FZD1: variants seen among roughly 807,000 people sequenced by gnomAD.
FZD1 encodes frizzled class receptor 1.
In FZD1, 22 loss-of-function variants were observed where a neutral mutation model predicts 48.0. The ratio of observed to expected loss-of-function variants is 0.46; its 90% confidence interval spans 0.33 to 0.65. The LOEUF (loss-of-function observed/expected upper bound fraction) is 0.65. Among genes scored for constraint, FZD1 ranks in the 30% least tolerant of loss-of-function variants. The probability of loss-of-function intolerance (pLI) is 0.02; values close to 1 mark genes in which losing one functional copy is unlikely to be tolerated. For synonymous variants in FZD1, 486 were observed against 409.6 expected, an observed-to-expected ratio of 1.19 and a Z score of -2.25; for missense variants, 843 against 898.1, an observed-to-expected ratio of 0.94 and a Z score of 0.78.
In FZD1 at chr7:91,270,264, T is replaced by C. The variant is rs1371801660; in HGVS notation, c.*3440T>C. The stretch of plus-strand genomic sequence containing the variant: ...GCTTTTGGAGTAAATATATAAGTAG[T>C]ATGAAAGACTTCTGAAGCTCTTCTT... On this transcript the variant is annotated 3_prime_UTR_variant, in exon 1 of 1. Coordinates refer to ENST00000287934, the MANE Select transcript of FZD1 (RefSeq NM_003505.2). The C allele has an allele frequency of 6.0e-6, 1 of 167,064 alleles. No individual in the cohort carries two copies. The highest frequency in any genetic ancestry group is 6.5e-5 in the Admixed American group (1 of 15,284). 10.3% of individuals were successfully genotyped at this position (167,064 alleles called of 1,614,324 possible).
rs1348236263 is a variant in FZD1, at chr7:91,270,215, C to T, written c.*3391C>T. 2 of 166,888 alleles carry T rather than the reference C, an allele frequency of 1.2e-5. No homozygotes were observed. Among genetic ancestry groups the T allele is most frequent in the African/African-American group, 4.8e-5 (2 of 41,372 alleles). The allele number at this position is 166,888 out of a possible 1,614,324, so 10.3% of individuals were successfully genotyped here. On this transcript the variant is annotated 3_prime_UTR_variant, in exon 1 of 1. Coordinates refer to ENST00000287934, the MANE Select transcript of FZD1 (RefSeq NM_003505.2). Reference sequence around the variant, plus strand: ...CCAGCTATAAATTGGGGTCAATTTCCCCCCTCACAGTGTACTTAATTTAGC... The same window carrying T: ...CCAGCTATAAATTGGGGTCAATTTCTCCCCTCACAGTGTACTTAATTTAGC...
Position 91,269,246 on chromosome 7 carries a change from C to T in FZD1, c.*2422C>T, listed in dbSNP as rs1189587198. On this transcript the variant is annotated 3_prime_UTR_variant, in exon 1 of 1. Coordinates refer to ENST00000287934, the MANE Select transcript of FZD1 (RefSeq NM_003505.2). ...CTGTTTTGTTGTTTGCTTCTGAAGA[C>T]CCCTTTTTTTAATCGTTCAAGGAAC... The T allele has an allele frequency of 1.2e-5, 2 of 166,622 alleles. No homozygotes were observed. Among genetic ancestry groups the T allele is most frequent in the Non-Finnish European group, 2.9e-5 (2 of 68,026 alleles). 10.3% of individuals were successfully genotyped at this position (166,622 alleles called of 1,614,324 possible).
At position 91,264,843 on chromosome 7, in the gene FZD1, C is replaced by G; in HGVS notation, c.-38C>G. On this transcript the variant is annotated 5_prime_UTR_variant, in exon 1 of 1. Transcript: ENST00000287934. ...CCGCCGCCGGCCGTGCCCCTGGCAG[C>G]CCCAGCGGAGCGGCGCCAAGAGAGG... 1 of 1,264,636 alleles carries G rather than the reference C, an allele frequency of 7.9e-7. No individual in the cohort carries two copies. The highest frequency in any genetic ancestry group is 9.9e-7 in the Non-Finnish European group (1 of 1,005,366). The allele number at this position is 1,264,636 out of a possible 1,614,324, so 78.3% of individuals were successfully genotyped here.
Position 91,265,937 on chromosome 7 carries a change from C to T in FZD1, c.1057C>T (p.Arg353Trp). 1.2e-6 allele frequency: 2 copies of T among 1,614,164 alleles called. No individual in the cohort carries two copies. The highest frequency in any genetic ancestry group is 8.5e-7 in the Non-Finnish European group (1 of 1,180,016). ...CATGCGGCGCTTCAGCTACCCGGAG[C>T]GGCCCATCATCTTCTTGTCCGGCTG... is the stretch of plus-strand genomic sequence containing the variant. The part of the protein sequence containing the change: ...VDMRRFSYPE[R>W]PIIFLSGCYT... The change falls in exon 1 of 1, where the codon CGG becomes TGG. Residue 353 changes from arginine (R) to tryptophan (W), a missense_variant. Arg to Trp is a moderately radical substitution (Grantham distance 101). Coordinates refer to ENST00000287934, the MANE Select transcript of FZD1 (RefSeq NM_003505.2). The surrounding 1 kb of genome is among the most constrained non-coding windows in gnomAD (Gnocchi z 6.9).
chr7:91,266,919 G>A lies in FZD1; in HGVS notation c.*95G>A, dbSNP rs1489743023. 22 of 806,078 alleles carry A rather than the reference G, an allele frequency of 2.7e-5. No homozygotes were observed. In the East Asian group the frequency reaches 5.4e-4, roughly 20 times the overall value. The allele number at this position is 806,078 out of a possible 1,614,324, so 49.9% of individuals were successfully genotyped here. ...GTTCGTGCCAATCCTGACATCTCGA[G>A]GTTTCCTCACTAGACAACTCTCTTT... On this transcript the variant is annotated 3_prime_UTR_variant, in exon 1 of 1. Transcript: ENST00000287934. The surrounding 1 kb of genome is among the most constrained non-coding windows in gnomAD (Gnocchi z 6.8).
rs1404560993 is a variant in FZD1, at chr7:91,266,647, CGCCCCGCCG to C, written c.1768_1776del (p.Ala590_Pro592del). On this transcript the variant is annotated inframe_deletion, in exon 1 of 1. Coordinates refer to ENST00000287934, the MANE Select transcript of FZD1 (RefSeq NM_003505.2). This position sits in a 1 kb window ranked among gnomAD's most constrained non-coding sequence, Gnocchi z 6.8. Reference sequence around the variant, plus strand: ...GCCCTCACCTCCAGGCGGGCGGAGGCGCCCCGCCGCACCCGCCCATGAGCCCGGACTTCA... The same window carrying C: ...GCCCTCACCTCCAGGCGGGCGGAGGCCACCCGCCCATGAGCCCGGACTTCA... 18 of 1,611,872 alleles carry C rather than the reference CGCCCCGCCG, an allele frequency of 1.1e-5. No homozygotes were observed. The highest frequency in any genetic ancestry group is 1.4e-5 in the Non-Finnish European group (17 of 1,179,428).
Position 91,264,957 on chromosome 7 carries a change from T to A in FZD1, c.77T>A (p.Leu26His). Residue 26 changes from leucine to histidine, a missense_variant, in exon 1 of 1, where the codon CTC (leucine) becomes CAC (histidine). Physicochemically the swap from Leu to His is moderately conservative, Grantham distance 99. This residue lies in a region of FZD1 where 490 missense variants were observed against 466.5 expected (regional missense o/e 1.05). Transcript: ENST00000287934. ...GASWELCAGA[L>H]SARLAEEGSG... ...AGCTGGGAACTTTGTGCCGGGGCGCTCTCGGCCCGGCTGGCGGAGGAGGGC... is the reference window on the plus strand; with the variant it reads ...AGCTGGGAACTTTGTGCCGGGGCGCACTCGGCCCGGCTGGCGGAGGAGGGC... The A allele has an allele frequency of 7.4e-7, 1 of 1,356,964 alleles. No homozygotes were observed. Among genetic ancestry groups the A allele is most frequent in the Non-Finnish European group, 9.5e-7 (1 of 1,058,118 alleles). The allele number at this position is 1,356,964 out of a possible 1,614,324, so 84.1% of individuals were successfully genotyped here.
chr7:91,265,349 G>A lies in FZD1; in HGVS notation c.469G>A (p.Val157Met). 1 of 1,614,130 alleles carries A rather than the reference G, an allele frequency of 6.2e-7. No individual in the cohort carries two copies. The highest frequency in any genetic ancestry group is 8.5e-7 in the Non-Finnish European group (1 of 1,179,982). ...GLEVHQFYPL[V>M]KVQCSAELKF... The stretch of plus-strand genomic sequence containing the variant: ...GGAGGTGCACCAGTTCTACCCTCTA[G>A]TGAAAGTGCAGTGTTCCGCTGAGCT... Residue 157 changes from valine to methionine, a missense_variant, in exon 1 of 1, where the codon GTG becomes ATG. Physicochemically the swap from Val to Met is conservative, Grantham distance 21. Transcript: ENST00000287934. The surrounding 1 kb of genome is among the most constrained non-coding windows in gnomAD (Gnocchi z 6.9).
chr7:91,265,026 G>A lies in FZD1; in HGVS notation c.146G>A (p.Arg49Gln), dbSNP rs1332682566. Residue 49 changes from arginine (R) to glutamine (Q), a missense_variant, in exon 1 of 1, where the codon CGG (arginine) becomes CAG (glutamine). By Grantham distance (43) the Arg-to-Gln change is conservative. This residue lies in a region of FZD1 where 490 missense variants were observed against 466.5 expected (regional missense o/e 1.05). Transcript: ENST00000287934. The surrounding 1 kb of genome is among the most constrained non-coding windows in gnomAD (Gnocchi z 6.9). ...CGCCGCCGCCCGCCAGTTGACCCCCGGCGATTGGCGCGCCAGCTGCTGCTG... is the reference window on the plus strand; with the variant it reads ...CGCCGCCGCCCGCCAGTTGACCCCCAGCGATTGGCGCGCCAGCTGCTGCTG... The part of the protein sequence containing the change: ...GGRRRPPVDP[R>Q]RLARQLLLLL... 2.1e-6 allele frequency: 3 copies of A among 1,408,430 alleles called. No individual in the cohort carries two copies. The highest frequency in any genetic ancestry group is 2.8e-6 in the Non-Finnish European group (3 of 1,081,784). The allele number at this position is 1,408,430 out of a possible 1,614,324, so 87.2% of individuals were successfully genotyped here. A position where few individuals can be genotyped will look rare whatever the true frequency, so the allele number is the denominator to read the frequency against.
chr7:91,265,367 G>T lies in FZD1; in HGVS notation c.487G>T (p.Ala163Ser). The T allele has an allele frequency of 6.2e-7, 1 of 1,614,090 alleles. No homozygotes were observed. The highest frequency in any genetic ancestry group is 1.1e-5 in the South Asian group (1 of 91,086). Residue 163 changes from alanine to serine, a missense_variant, in exon 1 of 1, where the codon GCT (alanine) becomes TCT (serine). Coordinates refer to ENST00000287934, the MANE Select transcript of FZD1 (RefSeq NM_003505.2). The surrounding 1 kb of genome is among the most constrained non-coding windows in gnomAD (Gnocchi z 6.9). ...FYPLVKVQCS[A>S]ELKFFLCSMY... is the part of the protein sequence containing the mutation. ...CCCTCTAGTGAAAGTGCAGTGTTCC[G>T]CTGAGCTCAAGTTCTTCCTGTGCTC...
At position 91,266,726 on chromosome 7, in the gene FZD1, A is replaced by T; in HGVS notation, c.1846A>T (p.Thr616Ser). The T allele has an allele frequency of 6.2e-7, 1 of 1,613,464 alleles. No individual in the cohort carries two copies. Among genetic ancestry groups the T allele is most frequent in the Non-Finnish European group, 8.5e-7 (1 of 1,179,702 alleles). Residue 616 changes from threonine (T) to serine (S), a missense_variant, in exon 1 of 1, where the codon ACG becomes TCG. Transcript: ENST00000287934. This position sits in a 1 kb window ranked among gnomAD's most constrained non-coding sequence, Gnocchi z 6.8. The stretch of plus-strand genomic sequence containing the variant: ...CCTTATGACGCTGATCGTGGGCATC[A>T]CGTCGGGCTTCTGGATCTGGTCCGG... ...KYLMTLIVGI[T>S]SGFWIWSGKT...
At position 91,265,890 on chromosome 7, in the gene FZD1, C is replaced by T; in HGVS notation, c.1010C>T (p.Thr337Met). 5 of 1,614,004 alleles carry T rather than the reference C, an allele frequency of 3.1e-6. No homozygotes were observed. The highest frequency in any genetic ancestry group is 1.6e-4 in the Middle Eastern group (1 of 6,062). The change falls in exon 1 of 1, where the codon ACG (threonine) becomes ATG (methionine). Residue 337 changes from threonine to methionine, a missense_variant. Around this residue, in one of 2 missense-constraint regions of FZD1, gnomAD observed 353 missense variants for 431.6 expected, o/e 0.82. Coordinates refer to ENST00000287934, the MANE Select transcript of FZD1 (RefSeq NM_003505.2). The surrounding 1 kb of genome is among the most constrained non-coding windows in gnomAD (Gnocchi z 6.9). ...CTGTGCTGCGCCTCCACGCTCTTCA[C>T]GGTGCTTACGTACCTGGTGGACATG... ...SVLCCASTLF[T>M]VLTYLVDMRR...
rs1038231521 is a variant in FZD1 at position 91,267,477 on chromosome 7, A to C, written c.*653A>C. 6.6e-5 allele frequency: 11 copies of C among 167,038 alleles called. No individual in the cohort carries two copies. Among genetic ancestry groups the C allele is most frequent in the African/African-American group, 2.2e-4 (9 of 41,418 alleles). The allele number at this position is 167,038 out of a possible 1,614,324, so 10.3% of individuals were successfully genotyped here. On this transcript the variant is annotated 3_prime_UTR_variant, in exon 1 of 1. Coordinates refer to ENST00000287934, the MANE Select transcript of FZD1 (RefSeq NM_003505.2). ...GGCTCTTAAGGTACAGAACTCCACAAACCTTCCAAATCTGGAGGAGGGCCC... is the reference window on the plus strand; with the variant it reads ...GGCTCTTAAGGTACAGAACTCCACACACCTTCCAAATCTGGAGGAGGGCCC...
At position 91,265,891 on chromosome 7, in the gene FZD1, G is replaced by C; in HGVS notation, c.1011G>C (p.Thr337=). Residue 337 remains threonine, a synonymous_variant, in exon 1 of 1, where the codon ACG becomes ACC. Coordinates refer to ENST00000287934, the MANE Select transcript of FZD1 (RefSeq NM_003505.2). This position sits in a 1 kb window ranked among gnomAD's most constrained non-coding sequence, Gnocchi z 6.9. ...TGTGCTGCGCCTCCACGCTCTTCAC[G>C]GTGCTTACGTACCTGGTGGACATGC... ...SVLCCASTLF[T]VLTYLVDMRR... 1.2e-6 allele frequency: 2 copies of C among 1,614,090 alleles called. No individual in the cohort carries two copies. The highest frequency in any genetic ancestry group is 8.5e-7 in the Non-Finnish European group (1 of 1,179,912).
Position 91,264,915 on chromosome 7 carries a change from C to A in FZD1, c.35C>A (p.Ala12Asp), listed in dbSNP as rs1014467401. 1.5e-6 allele frequency: 2 copies of A among 1,329,300 alleles called. No homozygotes were observed. Among genetic ancestry groups the A allele is most frequent in the East Asian group, 3.0e-5 (1 of 33,284 alleles). 82.3% of individuals were successfully genotyped at this position (1,329,300 alleles called of 1,614,324 possible). ...GAGGAGGCGCCTAAGAAGTCCCGGG[C>A]CGCCGGCGGTGGCGCGAGCTGGGAA... ...AEEEAPKKSR[A>D]AGGGASWELC... The change falls in exon 1 of 1, where the codon GCC (alanine) becomes GAC (aspartate). Residue 12 changes from alanine to aspartate, a missense_variant. This residue lies in a region of FZD1 where 490 missense variants were observed against 466.5 expected (regional missense o/e 1.05). Coordinates refer to ENST00000287934, the MANE Select transcript of FZD1 (RefSeq NM_003505.2).
rs1803877737 is a variant in FZD1, at chr7:91,266,197, C to A, written c.1317C>A (p.Ala439=). 2 of 1,614,130 alleles carry A rather than the reference C, an allele frequency of 1.2e-6. No homozygotes were observed. The highest frequency in any genetic ancestry group is 1.7e-6 in the Non-Finnish European group (2 of 1,180,022). The part of the protein sequence containing the change: ...LAAGMKWGHE[A]IEANSQYFHL... ...CTGGCATGAAGTGGGGCCACGAGGC[C>A]ATCGAAGCCAACTCACAGTATTTTC... The change falls in exon 1 of 1, where the codon GCC becomes GCA. Residue 439 remains alanine (A), a synonymous_variant. Coordinates refer to ENST00000287934, the MANE Select transcript of FZD1 (RefSeq NM_003505.2). This position sits in a 1 kb window ranked among gnomAD's most constrained non-coding sequence, Gnocchi z 6.8.
rs1429742768 is a variant in FZD1, at chr7:91,265,992, C to T, written c.1112C>T (p.Ala371Val). 3 of 1,614,156 alleles carry T rather than the reference C, an allele frequency of 1.9e-6. No individual in the cohort carries two copies. The highest frequency in any genetic ancestry group is 1.7e-6 in the Non-Finnish European group (2 of 1,180,036). ...CYTAVAVAYI[A>V]GFLLEDRVVC... ...ACGGCCGTGGCCGTGGCCTACATCG[C>T]CGGCTTCCTCCTGGAAGACCGAGTG... The change falls in exon 1 of 1, where the codon GCC becomes GTC. Residue 371 changes from alanine to valine, a missense_variant. Ala to Val is a moderately conservative substitution (Grantham distance 64, BLOSUM62 0). Coordinates refer to ENST00000287934, the MANE Select transcript of FZD1 (RefSeq NM_003505.2). This position sits in a 1 kb window ranked among gnomAD's most constrained non-coding sequence, Gnocchi z 6.9.
rs562020756 is a variant in FZD1 at position 91,265,105 on chromosome 7, G to GGGCCAGGGGCCA, written c.237_248dup (p.Gln81_Gly84dup). On this transcript the variant is annotated inframe_insertion, in exon 1 of 1. Coordinates refer to ENST00000287934, the MANE Select transcript of FZD1 (RefSeq NM_003505.2). The surrounding 1 kb of genome is among the most constrained non-coding windows in gnomAD (Gnocchi z 6.9). ...TGCTGGGGGTCCGGGCCCAGGCGGC[G>GGGCCAGGGGCCA]GGCCAGGGGCCAGGCCAGGGGCCCG... 18 of 1,395,336 alleles carry GGGCCAGGGGCCA rather than the reference G, an allele frequency of 1.3e-5. No individual in the cohort carries two copies. Among genetic ancestry groups the GGGCCAGGGGCCA allele is most frequent in the Non-Finnish European group, 1.7e-5 (18 of 1,076,342 alleles). 86.4% of individuals were successfully genotyped at this position (1,395,336 alleles called of 1,614,324 possible). A position where few individuals can be genotyped will look rare whatever the true frequency, so the allele number is the denominator to read the frequency against.
rs925160788 is a variant in FZD1 at position 91,268,408 on chromosome 7, A to G, written c.*1584A>G. ...GTGCTCCTCTTTTGGATTTACAGAA[A>G]TGTGTCAAATGTAAATCTTTCAAAG... On this transcript the variant is annotated 3_prime_UTR_variant, in exon 1 of 1. Transcript: ENST00000287934. 9 of 167,090 alleles carry G rather than the reference A, an allele frequency of 5.4e-5. No individual in the cohort carries two copies. The highest frequency in any genetic ancestry group is 1.9e-4 in the African/African-American group (8 of 41,456). The allele number at this position is 167,090 out of a possible 1,614,324, so 10.4% of individuals were successfully genotyped here. A position where few individuals can be genotyped will look rare whatever the true frequency, so the allele number is the denominator to read the frequency against.
Sources: allele counts gnomAD v4.1 joint callset, GRCh38; gene constraint gnomAD v4.1.1; regional missense constraint gnomAD v4.1.1; non-coding constraint Gnocchi (gnomAD v3.1); transcripts MANE v1.5; gene names NCBI Gene and HGNC (gene_info 2026-07-23, HGNC 2026-07-21).